Variants in KIAA0232 observed in about 807,000 individuals in gnomAD.
The protein encoded by KIAA0232 is KIAA0232.
In KIAA0232, 27 loss-of-function variants were observed where a neutral mutation model predicts 122.0. The ratio of observed to expected loss-of-function variants is 0.22; its 90% CI spans 0.16 to 0.31. The LOEUF (loss-of-function observed/expected upper bound fraction) is 0.31, where lower values mean the gene tolerates loss of function less well. Ranked by LOEUF, KIAA0232 falls within the 10% of genes least tolerant of loss-of-function variation. The pLI, the probability that KIAA0232 is intolerant of heterozygous loss-of-function variation, is 1.00. For synonymous variants in KIAA0232, 613 were observed against 587.6 expected (o/e 1.04, Z -0.63); for missense variants, 1,551 against 1,634.2 (o/e 0.95, Z 0.88).
At chr4:6,834,979 A>G (rs1577383126) in intron 3 of KIAA0232, among the ~76,000 whole-genome samples, 1 of 152,292 alleles carries the variant, frequency 6.6e-6, no homozygotes, top group Admixed American at 6.5e-5. Context: ...CGATCATATG[A>G]CAGAATCTGT....
At chr4:6,812,277 A>G (rs1187496149) in intron 2 of KIAA0232, among the ~76,000 whole-genome samples, 1 of 152,096 alleles carries the variant, frequency 6.6e-6, no homozygotes, top group African/African-American at 2.4e-5. Context: ...GAAATGTACT[A>G]TATTTGCACA....
At chr4:6,849,826 C>A (rs1340599537) in intron 4 of KIAA0232, among the ~76,000 whole-genome samples, 5 of 151,850 alleles carry the variant, frequency 3.3e-5, no homozygotes, top group African/African-American at 1.2e-4. Context: ...GAAGGAACAT[C>A]TTTGTGGTAT....
intron 3 of KIAA0232, among the ~76,000 whole-genome samples, chr4:6,834,967 C>G (rs1719184981): frequency 6.6e-6 from 1 of 152,144 alleles, no homozygotes; most frequent in African/African-American, 2.4e-5. Context: ...ACAACAACAA[C>G]ACGATCATAT....
chr4:6,816,893 A>G (rs1253557653), intron 2 of KIAA0232, among the ~76,000 whole-genome samples: 5 of 152,150 alleles, frequency 3.3e-5, no homozygotes, highest in Non-Finnish European at 7.3e-5. Flanking sequence ...AAGTTTTTCT[A>G]ATATGCCTTA....
At chr4:6,873,704 A>G (rs1205443065) in intron 8 of KIAA0232, among the ~76,000 whole-genome samples, 5 of 152,156 alleles carry the variant, frequency 3.3e-5, no homozygotes. Flanking sequence ...GTGTTTGTAC[A>G]TAATATTTTT....
At chr4:6,874,644 T>G (rs1332258959) in intron 8 of KIAA0232, among the ~76,000 whole-genome samples, 1 of 152,164 alleles carries the variant, frequency 6.6e-6, no homozygotes, top group African/African-American at 2.4e-5. Context: ...GGCCCAGGAT[T>G]GAGAACTGTA....
chr4:6,794,681 G>A (rs145834010), intron 1 of KIAA0232, among the ~76,000 whole-genome samples: 3 of 152,270 alleles, frequency 2.0e-5, no homozygotes, highest in Non-Finnish European at 4.4e-5. Flanking sequence ...GAGGGGTAGA[G>A]GAGAGCAAGT....
intron 1 of KIAA0232, among the ~76,000 whole-genome samples, chr4:6,790,428 T>C (rs1716841645): frequency 1.4e-5 from 2 of 140,554 alleles, no homozygotes; most frequent in African/African-American, 5.4e-5. Flanking sequence ...AGAGTCTCAC[T>C]CTGTCACCGA....
At chr4:6,807,164 A>T (rs2108954822) in intron 2 of KIAA0232, among the ~76,000 whole-genome samples, 1 of 152,208 alleles carries the variant, frequency 6.6e-6, no homozygotes, top group East Asian at 1.9e-4. Flanking sequence ...CTTCTCCAAT[A>T]GCTAGGATTA....
chr4:6,789,198 C>G (rs2108862705), intron 1 of KIAA0232, among the ~76,000 whole-genome samples: 1 of 151,850 alleles, frequency 6.6e-6, no homozygotes, highest in African/African-American at 2.4e-5. Flanking sequence ...GTTTTTATCT[C>G]CTGACCTCGT....
chr4:6,857,928 C>A (rs1203910732), intron 5 of KIAA0232, among the ~76,000 whole-genome samples: 1 of 152,190 alleles, frequency 6.6e-6, no homozygotes, highest in Non-Finnish European at 1.5e-5. Context: ...GTATCCTAGG[C>A]TAAACTAAGG....
At chr4:6,875,916 T>C (rs1205392435) in intron 8 of KIAA0232, among the ~76,000 whole-genome samples, 2 of 152,118 alleles carry the variant, frequency 1.3e-5, no homozygotes, top group African/African-American at 4.8e-5. Context: ...CAAATCTGCT[T>C]TTCAGAAAGT....
At chr4:6,811,398 T>C (rs1056929506) in intron 2 of KIAA0232, among the ~76,000 whole-genome samples, 1 of 152,230 alleles carries the variant, frequency 6.6e-6, no homozygotes, top group Non-Finnish European at 1.5e-5. Flanking sequence ...CCTGACTTAA[T>C]ATGCAGTCTA....
chr4:6,793,335 T>C (rs900280181), intron 1 of KIAA0232, among the ~76,000 whole-genome samples: 4 of 152,208 alleles, frequency 2.6e-5, no homozygotes, highest in African/African-American at 9.7e-5. Flanking sequence ...AACTCCATAA[T>C]GGATCACGAA....
At chr4:6,830,895 G>A (rs1248075776) in intron 3 of KIAA0232, among the ~76,000 whole-genome samples, 1 of 152,040 alleles carries the variant, frequency 6.6e-6, no homozygotes, top group African/African-American at 2.4e-5. Flanking sequence ...ACAAGCACCT[G>A]GAACCACAAG....
At chr4:6,854,053 A>G (rs888275044) in intron 4 of KIAA0232, among the ~76,000 whole-genome samples, 48 of 152,314 alleles carry the variant, frequency 3.2e-4, no homozygotes, top group African/African-American at 9.6e-4. Flanking sequence ...TTTTGGTGGT[A>G]TGCATTAGGT....
intron 1 of KIAA0232, among the ~76,000 whole-genome samples, 190 bp downstream of exon 1, chr4:6,783,031 C>T (rs886469665): frequency 5.3e-5 from 8 of 150,524 alleles, no homozygotes; most frequent in Non-Finnish European, 8.9e-5. Flanking sequence ...TGGGGCCAGC[C>T]TAAGGGAGGC....
chr4:6,854,969 G>A (rs1720493292), intron 4 of KIAA0232, among the ~76,000 whole-genome samples: 1 of 152,140 alleles, frequency 6.6e-6, no homozygotes, highest in Non-Finnish European at 1.5e-5. Context: ...TTAACACTTT[G>A]GAACACCTGC....
intron 6 of KIAA0232, among the ~76,000 whole-genome samples, chr4:6,859,097 T>TA (rs1254638478): frequency 9.6e-6 from 1 of 104,278 alleles, no homozygotes; most frequent in East Asian, 2.7e-4. Context: ...GACTCTGTCT[T>TA]ATTAAAAAAA....
Sources: gnomAD v4.1 joint callset for allele counts (sites outside exome capture counted in the v4.1 genomes callset) on GRCh38, gnomAD v4.1.1 for gene constraint, MANE v1.5 for transcripts, NCBI Gene and HGNC (gene_info 2026-07-23, HGNC 2026-07-21) for gene names.